RBM47: variants seen among roughly 807,000 people sequenced by gnomAD.
The protein encoded by RBM47 is RNA binding motif protein 47, also known as RNA-binding protein 47.
In RBM47, 21 loss-of-function variants were observed where a neutral mutation model predicts 47.1. The observed-to-expected ratio is 0.45, with a 90% CI of 0.32 to 0.64. The LOEUF (loss-of-function observed/expected upper bound fraction) is 0.64. RBM47 is among the 30% of genes least tolerant of loss of function. RBM47 has a pLI of 0.05. For synonymous variants in RBM47, 375 were observed against 361.7 expected (o/e 1.04, Z -0.42); for missense variants, 708 against 870.9 (o/e 0.81, Z 2.35).
At chr4:40,552,867 C>T (rs1577943905) in intron 1 of RBM47, among the ~76,000 whole-genome samples, 1 of 152,356 alleles carries the variant, frequency 6.6e-6, no homozygotes, top group East Asian at 1.9e-4. Flanking sequence ...CCTTTCCCAG[C>T]CTTTACACCA....
At chr4:40,529,870 A>AAATC (rs1403627625) in intron 2 of RBM47, among the ~76,000 whole-genome samples, 1 of 149,460 alleles carries the variant, frequency 6.7e-6, no homozygotes, top group African/African-American at 2.4e-5. Flanking sequence ...ATAAATAAAT[A>AAATC]AATAAATATT....
At chr4:40,568,917 G>C (rs765173843) in intron 1 of RBM47, among the ~76,000 whole-genome samples, 3 of 151,736 alleles carry the variant, frequency 2.0e-5, no homozygotes, top group Admixed American at 1.3e-4. Flanking sequence ...GGAGGCGGAG[G>C]TTACAGTGAG....
At chr4:40,620,815 T>C (rs1046243007) in intron 1 of RBM47, among the ~76,000 whole-genome samples, 2 of 152,146 alleles carry the variant, frequency 1.3e-5, no homozygotes, top group Non-Finnish European at 2.9e-5. Context: ...ATTACAGGCG[T>C]GAGCCACTGC....
At chr4:40,471,702 A>C (rs1322077996) in intron 2 of RBM47, among the ~76,000 whole-genome samples, 1 of 151,862 alleles carries the variant, frequency 6.6e-6, no homozygotes, top group African/African-American at 2.4e-5. Flanking sequence ...TCAAAAAAAA[A>C]AAAAAAGGAA....
intron 1 of RBM47, among the ~76,000 whole-genome samples, chr4:40,550,596 T>G (rs190111678): frequency 8.1e-4 from 123 of 152,174 alleles, no homozygotes; most frequent in Non-Finnish European, 1.5e-3. Flanking sequence ...TTTTTGTGTT[T>G]TTAGTAGAGA....
In RBM47 at chr4:40,628,616, T is replaced by G. The variant is rs1338676488; in HGVS notation, c.-240+780A>C. 6.6e-6 allele frequency among the ~76,000 whole-genome samples: 1 copy of G among 152,168 alleles called. No individual in the cohort carries two copies. Among genetic ancestry groups the G allele is most frequent in the African/African-American group, 2.4e-5 (1 of 41,426 alleles). Reference sequence around the variant, plus strand: ...CTTTTAAAGAATACATTTTAAAATCTATATTCCTGCTAAAGAAAACAGTGA... The same window carrying G: ...CTTTTAAAGAATACATTTTAAAATCGATATTCCTGCTAAAGAAAACAGTGA... On this transcript the variant is annotated intron_variant, in intron 1 of 6. Transcript: ENST00000295971. This position sits in a 1 kb window ranked among gnomAD's most constrained non-coding sequence, Gnocchi z 4.0.
At chr4:40,437,090 A>ATATATATATATAT (rs1553877705) in intron 4 of RBM47, among the ~76,000 whole-genome samples, 1 of 49,852 alleles carries the variant, frequency 2.0e-5, no homozygotes, top group Non-Finnish European at 3.3e-5. Context: ...AAAAAAAAAA[A>ATATATATATATAT]ATATATATAT....
At chr4:40,523,222 C>T (rs1007919323) in intron 2 of RBM47, among the ~76,000 whole-genome samples, 3 of 152,026 alleles carry the variant, frequency 2.0e-5, no homozygotes, top group Admixed American at 6.5e-5. Context: ...CCGCCTCAGC[C>T]TCCCAAAGTG....
chr4:40,614,390 A>G (rs1449357542), intron 1 of RBM47, among the ~76,000 whole-genome samples: 1 of 152,196 alleles, frequency 6.6e-6, no homozygotes, highest in Non-Finnish European at 1.5e-5. Flanking sequence ...ATCTAATTTT[A>G]AAAGAAAGGA....
At chr4:40,522,363 G>A (rs949441553) in intron 2 of RBM47, among the ~76,000 whole-genome samples, 2 of 152,096 alleles carry the variant, frequency 1.3e-5, no homozygotes, top group African/African-American at 2.4e-5. Flanking sequence ...AAATTAGCCC[G>A]GCGTGGTGGC....
At chr4:40,466,889 C>T (rs992356392) in intron 2 of RBM47, among the ~76,000 whole-genome samples, 190 bp from the exon 3 acceptor site, 2 of 150,992 alleles carry the variant, frequency 1.3e-5, no homozygotes, top group African/African-American at 2.4e-5. Context: ...CTCTATAAAC[C>T]AAGTGCAACT....
chr4:40,624,215 G>A (rs1737525201), intron 1 of RBM47, among the ~76,000 whole-genome samples: 1 of 152,132 alleles, frequency 6.6e-6, no homozygotes, highest in Non-Finnish European at 1.5e-5. Context: ...TGGGGAAACT[G>A]AGTCACAGAG....
chr4:40,567,710 T>G (rs16852342), intron 1 of RBM47, among the ~76,000 whole-genome samples: 1 of 151,898 alleles, frequency 6.6e-6, no homozygotes, highest in African/African-American at 2.4e-5. Context: ...AGGGCTAGCC[T>G]GACAGAATCA....
At chr4:40,507,743 G>A (rs1246736577) in intron 2 of RBM47, among the ~76,000 whole-genome samples, 5 of 150,326 alleles carry the variant, frequency 3.3e-5, no homozygotes, top group Non-Finnish European at 5.9e-5. Context: ...CCGAGATCGC[G>A]CCACTTCATT....
Position 40,487,793 on chromosome 4 carries a change from AT to A in RBM47, c.-154-21095del, listed in dbSNP as rs559962450. 1.1e-3 allele frequency among the ~76,000 whole-genome samples: 167 copies of A among 152,340 alleles called. 1 individual carries two copies. The highest frequency in any genetic ancestry group is 8.3e-3 in the Admixed American group (127 of 15,308). On this transcript the variant is annotated intron_variant, in intron 2 of 6. Transcript: ENST00000295971. ...ACACTAAATTTAGTCTTCCAAAAAAATAAATCTACTTGGATAAAATTCATGT... is the reference window on the plus strand; with the variant it reads ...ACACTAAATTTAGTCTTCCAAAAAAAAAATCTACTTGGATAAAATTCATGT...
intron 1 of RBM47, among the ~76,000 whole-genome samples, chr4:40,612,274 G>A (rs1258186349): frequency 6.6e-6 from 1 of 152,210 alleles, no homozygotes; most frequent in East Asian, 1.9e-4. Flanking sequence ...GCTCACGCCT[G>A]TAATCCCAGC....
At chr4:40,450,441 A>T (rs951590820) in intron 3 of RBM47, among the ~76,000 whole-genome samples, 6 of 151,982 alleles carry the variant, frequency 3.9e-5, no homozygotes, top group African/African-American at 1.2e-4. Flanking sequence ...TGAAAAAAAA[A>T]AAATATAAAA....
chr4:40,498,017 C>G (rs1481149976), intron 2 of RBM47, among the ~76,000 whole-genome samples: 1 of 135,688 alleles, frequency 7.4e-6, no homozygotes, highest in African/African-American at 2.7e-5. Context: ...CCAAAGTAAG[C>G]CTCCTTTATT....
chr4:40,566,768 T>C (rs980552246), intron 1 of RBM47, among the ~76,000 whole-genome samples: 2 of 152,106 alleles, frequency 1.3e-5, no homozygotes, highest in Non-Finnish European at 2.9e-5. Context: ...GGGATAATCA[T>C]AACACATTAC....
Sources: gnomAD v4.1 joint callset for allele counts (sites outside exome capture counted in the v4.1 genomes callset) on GRCh38, gnomAD v4.1.1 for gene constraint, Gnocchi (gnomAD v3.1) non-coding constraint, MANE v1.5 for transcripts, NCBI Gene and HGNC (gene_info 2026-07-23, HGNC 2026-07-21) for gene names.